Variants in SEMA3D observed in about 807,000 individuals in gnomAD.
SEMA3D encodes semaphorin-3D.
In SEMA3D, 84 loss-of-function variants were observed where a neutral mutation model predicts 100.1. That is an observed-to-expected ratio of 0.84 (90% CI 0.70 to 1.01). The LOEUF (loss-of-function observed/expected upper bound fraction) is 1.01, where lower values mean the gene tolerates loss of function less well. Ranked by LOEUF, SEMA3D falls within the 50% of genes least tolerant of loss-of-function variation. The pLI is 0.00. For missense variants in SEMA3D, 875 were observed against 934.1 expected, an observed-to-expected ratio of 0.94 and a Z score of 0.82; for synonymous variants, 312 against 320.7, an observed-to-expected ratio of 0.97 and a Z score of 0.29.
intron 16 of SEMA3D, among the ~76,000 whole-genome samples, chr7:85,013,237 G>C (rs902544175): frequency 6.6e-6 from 1 of 151,620 alleles, no homozygotes; most frequent in African/African-American, 2.4e-5. Flanking sequence ...ATATAAAAGC[G>C]TTCAGTCAGT....
At chr7:85,015,301 A>G (rs1280486615) in intron 15 of SEMA3D, 85 bp from the exon 16 acceptor site, 5 of 1,290,038 alleles carry the variant, frequency 3.9e-6, no homozygotes, top group African/African-American at 1.5e-5. Flanking sequence ...CACATAATAC[A>G]TATAAATCTG....
At chr7:85,099,222 C>T (rs1052131138) in intron 3 of SEMA3D, among the ~76,000 whole-genome samples, 1 of 151,846 alleles carries the variant, frequency 6.6e-6, no homozygotes, top group Admixed American at 6.6e-5. Context: ...TCCATGATTC[C>T]CAAATGTTGT....
At chr7:85,066,746 T>C (rs1407166129) in intron 7 of SEMA3D, among the ~76,000 whole-genome samples, 1 of 152,066 alleles carries the variant, frequency 6.6e-6, no homozygotes, top group African/African-American at 2.4e-5. Flanking sequence ...CAGAAACATA[T>C]CTTTAAAATT....
chr7:85,177,411 A>C (rs1415490631), intron 1 of SEMA3D, among the ~76,000 whole-genome samples: 1 of 152,136 alleles, frequency 6.6e-6, no homozygotes, highest in African/African-American at 2.4e-5. Flanking sequence ...CAGGCACTTA[A>C]TGTGGTAGAT....
intron 5 of SEMA3D, among the ~76,000 whole-genome samples, chr7:85,078,598 G>T (rs971330880): frequency 6.6e-6 from 1 of 152,106 alleles, no homozygotes; most frequent in East Asian, 1.9e-4. Flanking sequence ...CTAAATAGAA[G>T]CAAAATACTA....
chr7:85,144,795 TA>T lies in SEMA3D; in HGVS notation c.-41+8812del, dbSNP rs538899789. 97 of 423,294 alleles carry T rather than the reference TA, an allele frequency of 2.3e-4. 1 individual carries two copies. The highest frequency in any genetic ancestry group is 1.9e-3 in the African/African-American group (90 of 46,410). 26.2% of individuals were successfully genotyped at this position (423,294 alleles called of 1,614,324 possible). On this transcript the variant is annotated intron_variant, in intron 2 of 18. Transcript: ENST00000284136. Reference sequence around the variant, plus strand: ...CATAGAATTTGATTAGGATTTATTATATATTCCTACTTTAATCCCAGCCCAA... The same window carrying T: ...CATAGAATTTGATTAGGATTTATTATTATTCCTACTTTAATCCCAGCCCAA...
intron 1 of SEMA3D, among the ~76,000 whole-genome samples, chr7:85,185,619 C>A (rs1243781997): frequency 6.6e-6 from 1 of 152,158 alleles, no homozygotes; most frequent in Non-Finnish European, 1.5e-5. Context: ...GCTGCTGGCG[C>A]GCGGCTCTCT....
chr7:85,148,759 T>A (rs1790284011), intron 2 of SEMA3D, among the ~76,000 whole-genome samples: 1 of 152,020 alleles, frequency 6.6e-6, no homozygotes, highest in Non-Finnish European at 1.5e-5. Flanking sequence ...CGCGGTAACA[T>A]CAGATAATGT....
intron 12 of SEMA3D, among the ~76,000 whole-genome samples, chr7:85,031,842 C>A (rs1202618335): frequency 6.6e-6 from 1 of 151,804 alleles, no homozygotes; most frequent in Non-Finnish European, 1.5e-5. Flanking sequence ...GAGATAGAAT[C>A]ATAACTTTAT....
At chr7:85,140,257 A>C in intron 2 of SEMA3D, 3 of 877,778 alleles carry the variant, frequency 3.4e-6, no homozygotes, top group Non-Finnish European at 4.1e-6. Flanking sequence ...TTATTAAATA[A>C]GACTTCTGCA....
chr7:85,163,487 G>A (rs959750543), intron 1 of SEMA3D, among the ~76,000 whole-genome samples: 4 of 152,002 alleles, frequency 2.6e-5, no homozygotes, highest in Admixed American at 2.6e-4. Context: ...AAAATGATCA[G>A]CATGATGGAA....
At position 85,168,266 on chromosome 7, in the gene SEMA3D, A is replaced by G. The variant is rs142705755; in HGVS notation, c.-172-14527T>C. On this transcript the variant is annotated intron_variant, in intron 1 of 18. Coordinates refer to ENST00000284136, the MANE Select transcript of SEMA3D (RefSeq NM_001384900.1). Reference sequence around the variant, plus strand: ...GAGGATGCAGTCAGACAGTAGTCCCAAGAAAGTTTCATCCTTTCTACAGGC... The same window carrying G: ...GAGGATGCAGTCAGACAGTAGTCCCGAGAAAGTTTCATCCTTTCTACAGGC... Among the ~76,000 whole-genome samples the G allele has an allele frequency of 3.9e-4, 59 of 151,992 alleles. No individual in the cohort carries two copies. In the East Asian group the frequency reaches 0.01, roughly 27 times the overall value.
intron 8 of SEMA3D, among the ~76,000 whole-genome samples, chr7:85,056,211 T>C (rs1791314064): frequency 6.6e-6 from 1 of 152,044 alleles, no homozygotes; most frequent in Non-Finnish European, 1.5e-5. Context: ...GCTTAGGAAA[T>C]AGTAAAAATC....
Position 85,022,433 on chromosome 7 carries a change from T to A in SEMA3D, c.1372A>T (p.Ile458Phe). The A allele has an allele frequency of 1.2e-6, 2 of 1,612,434 alleles. No homozygotes were observed. The highest frequency in any genetic ancestry group is 2.2e-5 in the South Asian group (2 of 91,042). The change falls in exon 13 of 19, where the codon ATT becomes TTT. Residue 458 changes from isoleucine to phenylalanine, a missense_variant. Ile to Phe is a conservative substitution (Grantham distance 21). Transcript: ENST00000284136. ...RLTQIVVDHV[I>F]AEDGQYDVMF... is the part of the protein sequence containing the mutation. ...ACATCGTACTGGCCATCTTCTGCAATGACATGATCCACCACTATCTGTGTC... is the reference window on the plus strand; with the variant it reads ...ACATCGTACTGGCCATCTTCTGCAAAGACATGATCCACCACTATCTGTGTC...
At chr7:85,119,464 G>A (rs779803771) in intron 3 of SEMA3D, among the ~76,000 whole-genome samples, 11 of 152,084 alleles carry the variant, frequency 7.2e-5, no homozygotes, top group Non-Finnish European at 1.0e-4. Flanking sequence ...GTTCTTTGCA[G>A]GGACATGGAT....
chr7:85,083,212 A>C (rs1788113060), intron 4 of SEMA3D, among the ~76,000 whole-genome samples: 1 of 152,172 alleles, frequency 6.6e-6, no homozygotes, highest in Non-Finnish European at 1.5e-5. Flanking sequence ...ATGGGAAACG[A>C]GGGGAAGGAT....
upstream of SEMA3D, among the ~76,000 whole-genome samples, chr7:85,187,765 G>A (rs1297741782): frequency 3.9e-5 from 6 of 152,160 alleles, no homozygotes; most frequent in East Asian, 1.2e-3. Context: ...TTAAGCAAAA[G>A]TAATGCAGAA....
chr7:85,120,485 CG>C (rs1789377099), intron 3 of SEMA3D, among the ~76,000 whole-genome samples: 1 of 151,494 alleles, frequency 6.6e-6, no homozygotes, highest in Non-Finnish European at 1.5e-5. Flanking sequence ...CTGGCCAACA[CG>C]GTGAAACCCC....
intron 4 of SEMA3D, among the ~76,000 whole-genome samples, chr7:85,096,952 T>A (rs1351942370): frequency 6.6e-6 from 1 of 151,816 alleles, no homozygotes; most frequent in Non-Finnish European, 1.5e-5. Context: ...CTGCTCCTAA[T>A]CTTTTTTTTC....
Sources: gnomAD v4.1 joint callset for allele counts (sites outside exome capture counted in the v4.1 genomes callset) on GRCh38, gnomAD v4.1.1 for gene constraint, MANE v1.5 for transcripts, NCBI Gene and HGNC (gene_info 2026-07-23, HGNC 2026-07-21) for gene names.